The following KCNQ5 variants were observed in gnomAD, a reference collection of about 807,000 sequenced individuals.
KCNQ5 encodes the protein potassium voltage-gated channel subfamily KQT member 5.
Under a neutral mutation model 98.2 loss-of-function variants are expected in KCNQ5, and 30 were observed. The ratio of observed to expected loss-of-function variants is 0.31; its 90% confidence interval spans 0.23 to 0.41. The LOEUF is 0.41. Among genes scored for constraint, KCNQ5 ranks in the 10% least tolerant of loss-of-function variants. KCNQ5 has a pLI of 1.00. For missense variants in KCNQ5, 835 were observed against 1,182.5 expected (o/e 0.71, Z 4.31); for synonymous variants, 458 against 449.4 (o/e 1.02, Z -0.24).
chr6:72,732,322 AG>A (rs1770598623), intron 1 of KCNQ5, among the ~76,000 whole-genome samples: 1 of 151,652 alleles, frequency 6.6e-6, no homozygotes, highest in Admixed American at 6.6e-5. Flanking sequence ...TAGGAAGGGG[AG>A]GGGAGGTGGA....
chr6:72,741,518 G>C (rs1771129472), intron 1 of KCNQ5, among the ~76,000 whole-genome samples: 2 of 152,122 alleles, frequency 1.3e-5, no homozygotes, highest in Non-Finnish European at 2.9e-5. Context: ...TGATGTAGTA[G>C]GTTAGAGAGT....
At chr6:73,117,042 A>G (rs1365300021) in intron 7 of KCNQ5, among the ~76,000 whole-genome samples, 1 of 152,254 alleles carries the variant, frequency 6.6e-6, no homozygotes, top group Non-Finnish European at 1.5e-5. Flanking sequence ...GAGCACCAGC[A>G]TCACCTGATA....
At chr6:73,131,114 G>A (rs1277420863) in intron 9 of KCNQ5, among the ~76,000 whole-genome samples, 1 of 152,076 alleles carries the variant, frequency 6.6e-6, no homozygotes, top group African/African-American at 2.4e-5. Context: ...ATAAGGTAAT[G>A]TCAAAATGGT....
At chr6:72,686,414 A>T (rs1033591618) in intron 1 of KCNQ5, among the ~76,000 whole-genome samples, 4 of 152,204 alleles carry the variant, frequency 2.6e-5, no homozygotes, top group African/African-American at 9.7e-5. Flanking sequence ...TGAACATTTC[A>T]TATGTTCATC....
intron 1 of KCNQ5, among the ~76,000 whole-genome samples, chr6:72,651,533 A>C (rs751813532): frequency 6.6e-6 from 1 of 152,080 alleles, no homozygotes; most frequent in Non-Finnish European, 1.5e-5. Flanking sequence ...TCATGCATAC[A>C]CTAGTATACT....
intron 1 of KCNQ5, among the ~76,000 whole-genome samples, chr6:72,728,780 C>T (rs1770410842): frequency 6.6e-6 from 1 of 152,154 alleles, no homozygotes; most frequent in South Asian, 2.1e-4. Context: ...ATTTTCTGTA[C>T]TTCATTAATA....
chr6:73,064,380 C>A (rs759034220), intron 3 of KCNQ5, among the ~76,000 whole-genome samples: 1 of 152,020 alleles, frequency 6.6e-6, no homozygotes, highest in African/African-American at 2.4e-5. Context: ...AAATTTAAAC[C>A]CATAATGCCA....
At chr6:72,893,144 C>T (rs1439848319) in intron 1 of KCNQ5, among the ~76,000 whole-genome samples, 1 of 152,126 alleles carries the variant, frequency 6.6e-6, no homozygotes, top group Non-Finnish European at 1.5e-5. Context: ...GAGCTGGATG[C>T]ATAATCAACC....
chr6:73,034,421 A>C (rs772286740), intron 2 of KCNQ5, among the ~76,000 whole-genome samples: 6 of 152,224 alleles, frequency 3.9e-5, no homozygotes, highest in Non-Finnish European at 8.8e-5. Context: ...AGGGTTTATA[A>C]TGTCGGCATT....
chr6:72,696,164 T>C (rs1489668825), intron 1 of KCNQ5, among the ~76,000 whole-genome samples: 3 of 152,166 alleles, frequency 2.0e-5, no homozygotes, highest in African/African-American at 7.2e-5. Context: ...CAAAGATATC[T>C]AAAAGGTTGT....
chr6:73,004,027 T>C (rs376084867), intron 2 of KCNQ5, 29 bp downstream of exon 2: 161 of 1,314,748 alleles, frequency 1.2e-4, no homozygotes, highest in Non-Finnish European at 1.7e-4. Flanking sequence ...AGAACGTACA[T>C]GAATGTTGTA....
chr6:72,912,958 A>C (rs1324834154), intron 1 of KCNQ5, among the ~76,000 whole-genome samples: 2 of 152,126 alleles, frequency 1.3e-5, no homozygotes, highest in African/African-American at 4.8e-5. Flanking sequence ...AATGGGTACT[A>C]GTCTTAATAC....
intron 1 of KCNQ5, among the ~76,000 whole-genome samples, chr6:72,642,421 T>A (rs1765371043): frequency 6.6e-6 from 1 of 151,894 alleles, no homozygotes; most frequent in Non-Finnish European, 1.5e-5. Context: ...GCTGCACAGA[T>A]CAACCCTATC....
intron 7 of KCNQ5, among the ~76,000 whole-genome samples, chr6:73,115,989 T>A (rs34041929): frequency 0.032 from 4,917 of 152,334 alleles, 114 homozygotes; most frequent in Non-Finnish European, 0.053. Flanking sequence ...AATGGAGTTC[T>A]CAGATTTCAT....
chr6:72,758,488 C>A (rs1028567114), intron 1 of KCNQ5, among the ~76,000 whole-genome samples: 2 of 152,008 alleles, frequency 1.3e-5, no homozygotes, highest in African/African-American at 4.8e-5. Flanking sequence ...AGAGTTCATG[C>A]TAGAAGTGGG....
chr6:72,997,292 A>C (rs1477205351), intron 1 of KCNQ5, among the ~76,000 whole-genome samples: 1 of 152,058 alleles, frequency 6.6e-6, no homozygotes, highest in Non-Finnish European at 1.5e-5. Context: ...GCTCTGAGGG[A>C]AACCTCTTGA....
At chr6:73,132,163 C>T (rs1315513696) in intron 9 of KCNQ5, among the ~76,000 whole-genome samples, 1 of 152,130 alleles carries the variant, frequency 6.6e-6, no homozygotes, top group South Asian at 2.1e-4. Context: ...GTGGACATTG[C>T]GGTAAGTGGA....
At chr6:73,146,935 A>G (rs1006416529) in intron 10 of KCNQ5, among the ~76,000 whole-genome samples, 1 of 152,334 alleles carries the variant, frequency 6.6e-6, no homozygotes, top group Non-Finnish European at 1.5e-5. Flanking sequence ...AATTGTTTTC[A>G]CCAGGCTGTG....
intron 2 of KCNQ5, among the ~76,000 whole-genome samples, chr6:73,010,777 T>A (rs1167823667): frequency 6.6e-6 from 1 of 151,990 alleles, no homozygotes; most frequent in Non-Finnish European, 1.5e-5. Flanking sequence ...CAATTCCATT[T>A]ATAATAATAT....
Sources: gnomAD v4.1 joint callset for allele counts (sites outside exome capture counted in the v4.1 genomes callset) on GRCh38, gnomAD v4.1.1 for gene constraint, MANE v1.5 for transcripts, NCBI Gene and HGNC (gene_info 2026-07-23, HGNC 2026-07-21) for gene names.